MAP2K6: variants seen among roughly 807,000 people sequenced by gnomAD.
The protein encoded by MAP2K6 is mitogen-activated protein kinase kinase 6.
A neutral mutation model predicts 53.7 loss-of-function variants in MAP2K6; 16 were observed. The ratio of observed to expected loss-of-function variants is 0.30; its 90% CI spans 0.20 to 0.45. The LOEUF is 0.45. Ranked by LOEUF, MAP2K6 falls within the 20% of genes least tolerant of loss-of-function variation. The pLI is 1.00. For missense variants in MAP2K6, 204 were observed against 411.9 expected (o/e 0.50, Z 4.37); for synonymous variants, 132 against 143.1 (o/e 0.92, Z 0.55).
At chr17:69,499,231 C>T (rs151293046) in intron 1 of MAP2K6, among the ~76,000 whole-genome samples, 3 of 152,252 alleles carry the variant, frequency 2.0e-5, no homozygotes, top group East Asian at 1.9e-4. Flanking sequence ...GAATGGAGCA[C>T]GGAATTTGAA....
chr17:69,436,010 G>A (rs1378122353), intron 1 of MAP2K6, among the ~76,000 whole-genome samples: 10 of 108,660 alleles, frequency 9.2e-5, no homozygotes, highest in Non-Finnish European at 1.5e-4. Flanking sequence ...ATTTGGAATC[G>A]ATTTAAAATA....
In MAP2K6 at chr17:69,544,711, T is replaced by C. The variant is rs1911809893; in HGVS notation, c.*2958T>C. The stretch of plus-strand genomic sequence containing the variant: ...TAGCCATCTTTTTTGATATTATTGG[T>C]TTAAGAGGTGTGCCAAAAAAAGTAA... On this transcript the variant is annotated 3_prime_UTR_variant, in exon 12 of 12. Transcript: ENST00000590474. 1 of 152,222 alleles carries C rather than the reference T, an allele frequency of 6.6e-6. No homozygotes were observed. The highest frequency in any genetic ancestry group is 1.5e-5 in the Non-Finnish European group (1 of 68,036). The allele number at this position is 152,222 out of a possible 1,614,324, so 9.4% of individuals were successfully genotyped here.
intron 1 of MAP2K6, among the ~76,000 whole-genome samples, chr17:69,495,729 TAA>T (rs34975415): frequency 1.5e-4 from 23 of 149,824 alleles, no homozygotes; most frequent in African/African-American, 5.1e-4. Flanking sequence ...GTATTATCTC[TAA>T]AAAAAAAATA....
rs541109191 is a variant in MAP2K6, at chr17:69,467,377, T to C, written c.17-38403T>C. On this transcript the variant is annotated intron_variant, in intron 1 of 11. Coordinates refer to ENST00000590474, the MANE Select transcript of MAP2K6 (RefSeq NM_002758.4). ...CTCTGCAGGGAGCACAGCCATGTGG[T>C]GCTCATTGGCTGATGTTTGTTAGGA... Among the ~76,000 whole-genome samples, 32 of 152,348 alleles carry C rather than the reference T, an allele frequency of 2.1e-4. No homozygotes were observed. The South Asian group carries it at 4.1e-3, about 20-fold the overall frequency.
chr17:69,500,566 C>A (rs1330900756), intron 1 of MAP2K6, among the ~76,000 whole-genome samples: 8 of 151,034 alleles, frequency 5.3e-5, no homozygotes, highest in Admixed American at 3.3e-4. Flanking sequence ...ACCAGCCTGA[C>A]CAACATGGTG....
intron 1 of MAP2K6, chr17:69,434,229 C>T (rs1035506064): frequency 2.0e-5 from 3 of 152,186 alleles, no homozygotes; most frequent in African/African-American, 7.2e-5. Context: ...CATTTGATGA[C>T]TCAACTCATA....
chr17:69,476,003 A>G (rs1908137760), intron 1 of MAP2K6, among the ~76,000 whole-genome samples: 1 of 152,216 alleles, frequency 6.6e-6, no homozygotes, highest in Non-Finnish European at 1.5e-5. Flanking sequence ...TTTTAGGTGT[A>G]TAATAAGGTT....
intron 1 of MAP2K6, among the ~76,000 whole-genome samples, chr17:69,438,599 C>A (rs1037799221): frequency 1.3e-5 from 2 of 151,210 alleles, no homozygotes; most frequent in Admixed American, 1.3e-4. Context: ...TATTTTTTTT[C>A]TTTTTAAGAT....
chr17:69,446,791 C>A (rs958311424), intron 1 of MAP2K6, among the ~76,000 whole-genome samples: 1 of 151,950 alleles, frequency 6.6e-6, no homozygotes, highest in Non-Finnish European at 1.5e-5. Flanking sequence ...CACCCTTTTA[C>A]AATTGCTGTG....
chr17:69,433,900 T>C (rs112942384), intron 1 of MAP2K6: 14 of 152,216 alleles, frequency 9.2e-5, no homozygotes, highest in African/African-American at 3.1e-4. Flanking sequence ...ATAGGAGAAA[T>C]AGACAGGAGC....
chr17:69,495,741 A>G (rs895012030), intron 1 of MAP2K6, among the ~76,000 whole-genome samples: 3 of 151,474 alleles, frequency 2.0e-5, no homozygotes, highest in Non-Finnish European at 2.9e-5. Flanking sequence ...AAAAAAAAAT[A>G]CTTATTTTTT....
At position 69,553,004 on chromosome 17, in the gene MAP2K6, A is replaced by C. The variant is rs1446770393; in HGVS notation, c.*11251A>C. The C allele has an allele frequency of 6.6e-5, 10 of 152,184 alleles. No individual in the cohort carries two copies. The highest frequency in any genetic ancestry group is 6.5e-4 in the Admixed American group (10 of 15,276). The allele number at this position is 152,184 out of a possible 1,614,324, so 9.4% of individuals were successfully genotyped here. A position where few individuals can be genotyped will look rare whatever the true frequency, so the allele number is the denominator to read the frequency against. On this transcript the variant is annotated 3_prime_UTR_variant, in exon 12 of 12. Coordinates refer to ENST00000590474, the MANE Select transcript of MAP2K6 (RefSeq NM_002758.4). ...TGTTAGTGTTCCCAGAAATATACTG[A>C]ATTGAGGGATAATGTAGCTTTAAAG...
At chr17:69,462,237 G>C (rs1233296453) in intron 1 of MAP2K6, among the ~76,000 whole-genome samples, 1 of 152,092 alleles carries the variant, frequency 6.6e-6, no homozygotes, top group Non-Finnish European at 1.5e-5. Flanking sequence ...CAGGGGACAG[G>C]TTAGCACCTC....
At chr17:69,427,735 T>C (rs552722987) in intron 1 of MAP2K6, among the ~76,000 whole-genome samples, 15 of 152,344 alleles carry the variant, frequency 9.8e-5, no homozygotes, top group African/African-American at 2.6e-4. Context: ...CCCAGCCAGG[T>C]AGAAGACCTG....
chr17:69,462,285 G>A (rs943994236), intron 1 of MAP2K6, among the ~76,000 whole-genome samples: 6 of 152,096 alleles, frequency 3.9e-5, no homozygotes, highest in Non-Finnish European at 8.8e-5. Flanking sequence ...GCTGATTGGT[G>A]GCACGTACAT....
chr17:69,465,116 G>GATTGAATT (rs1907752166), intron 1 of MAP2K6, among the ~76,000 whole-genome samples: 1 of 151,244 alleles, frequency 6.6e-6, no homozygotes, highest in Admixed American at 6.6e-5. Flanking sequence ...TTGATTGAAT[G>GATTGAATT]AATGGTAGCT....
At chr17:69,528,741 C>T (rs1235354100) in intron 10 of MAP2K6, among the ~76,000 whole-genome samples, 1 of 151,600 alleles carries the variant, frequency 6.6e-6, no homozygotes, top group Admixed American at 6.6e-5. Context: ...CACCTGTAGT[C>T]CCAGCTACTC....
At chr17:69,447,377 G>T (rs946625101) in intron 1 of MAP2K6, among the ~76,000 whole-genome samples, 1 of 151,902 alleles carries the variant, frequency 6.6e-6, no homozygotes, top group Non-Finnish European at 1.5e-5. Context: ...ATGGAGTCTT[G>T]CTCTGTCGCC....
At chr17:69,452,608 C>A (rs1016961420) in intron 1 of MAP2K6, among the ~76,000 whole-genome samples, 1 of 152,162 alleles carries the variant, frequency 6.6e-6, no homozygotes, top group Non-Finnish European at 1.5e-5. Context: ...AGTGGAGTTT[C>A]ATTTCTGTTT....
Sources: gnomAD v4.1 joint callset for allele counts (sites outside exome capture counted in the v4.1 genomes callset) on GRCh38, gnomAD v4.1.1 for gene constraint, MANE v1.5 for transcripts, NCBI Gene and HGNC (gene_info 2026-07-23, HGNC 2026-07-21) for gene names.